HSD17B12: variants seen among roughly 807,000 people sequenced by gnomAD.
The protein encoded by HSD17B12 is hydroxysteroid 17-beta dehydrogenase 12.
In HSD17B12, 32 loss-of-function variants were observed where a neutral mutation model predicts 39.3. The observed-to-expected ratio is 0.81, with a 90% confidence interval of 0.61 to 1.09. HSD17B12 has a LOEUF of 1.09. Among genes scored for constraint, HSD17B12 ranks in the 50% least tolerant of loss-of-function variants. HSD17B12 has a pLI of 0.00. For synonymous variants in HSD17B12, 150 were observed against 146.7 expected (o/e 1.02, Z -0.16); for missense variants, 342 against 382.9 (o/e 0.89, Z 0.89).
the HSD17B12 span, among the ~76,000 whole-genome samples, chr11:43,565,226 C>G: frequency 2.5e-4 from 38 of 152,252 alleles, no homozygotes; most frequent in Middle Eastern, 6.8e-3. Context: ...GTCAGTGGTC[C>G]TCAGGCCCTT....
rs374069435 is a variant in HSD17B12, at chr11:43,724,331, C to T, written c.161-26580C>T. ...TATTTTGCATAAAAAAAATAGCTGC[C>T]TAAGGGCCTAGGGGTTACCATATGT... On this transcript the variant is annotated intron_variant, in intron 1 of 10. Transcript: ENST00000278353. Among the ~76,000 whole-genome samples the T allele has an allele frequency of 1.3e-4, 19 of 151,466 alleles. 2 individuals are homozygous for T. Among genetic ancestry groups the T allele is most frequent in the African/African-American group, 4.1e-4 (17 of 41,244 alleles).
At chr11:43,829,201 C>T (rs1951282631) in intron 6 of HSD17B12, among the ~76,000 whole-genome samples, 1 of 152,210 alleles carries the variant, frequency 6.6e-6, no homozygotes, top group Non-Finnish European at 1.5e-5. Context: ...TGTGTCTTTG[C>T]TGATGAATCC....
chr11:43,599,160 G>A, the HSD17B12 span, among the ~76,000 whole-genome samples: 3 of 152,130 alleles, frequency 2.0e-5, no homozygotes, highest in African/African-American at 4.8e-5. Flanking sequence ...TTTCTGGAAC[G>A]ATGTTCACCT....
the HSD17B12 span, among the ~76,000 whole-genome samples, chr11:43,580,381 CG>C: frequency 0.022 from 179 of 8,280 alleles, 6 homozygotes; most frequent in East Asian, 0.15. Context: ...GAGTTGGGGG[CG>C]GGGGGGTGGG....
chr11:43,627,481 A>G, the HSD17B12 span, among the ~76,000 whole-genome samples: 1 of 151,948 alleles, frequency 6.6e-6, no homozygotes, highest in Non-Finnish European at 1.5e-5. Flanking sequence ...GTAATTTTAA[A>G]TTAAATTTTA....
At chr11:43,634,010 G>T in the HSD17B12 span, among the ~76,000 whole-genome samples, 2 of 143,994 alleles carry the variant, frequency 1.4e-5, no homozygotes, top group Admixed American at 1.4e-4. Context: ...GGAGGCGGAG[G>T]TTGCCGTGAG....
At chr11:43,686,370 G>C (rs992958376) in intron 1 of HSD17B12, among the ~76,000 whole-genome samples, 6 of 152,302 alleles carry the variant, frequency 3.9e-5, no homozygotes, top group Non-Finnish European at 7.4e-5. Flanking sequence ...AATGGAAAAA[G>C]TTCTGCAGAT....
chr11:43,561,115 A>G, the HSD17B12 span, among the ~76,000 whole-genome samples: 1 of 152,144 alleles, frequency 6.6e-6, no homozygotes, highest in Non-Finnish European at 1.5e-5. Context: ...ATGGGTTCCA[A>G]TCCCCACCCA....
intron 1 of HSD17B12, among the ~76,000 whole-genome samples, chr11:43,707,687 A>G (rs527246161): frequency 6.6e-6 from 1 of 152,316 alleles, no homozygotes; most frequent in East Asian, 1.9e-4. Flanking sequence ...AATCACTTCT[A>G]AAATAACATG....
the HSD17B12 span, among the ~76,000 whole-genome samples, chr11:43,619,258 A>AAAATATATATATT: frequency 1.2e-5 from 1 of 82,542 alleles, no homozygotes; most frequent in Non-Finnish European, 2.6e-5. Flanking sequence ...ATATATATAT[A>AAAATATATATATT]TTTTATATAT....
chr11:43,601,580 G>A, the HSD17B12 span, among the ~76,000 whole-genome samples: 16 of 151,426 alleles, frequency 1.1e-4, no homozygotes, highest in African/African-American at 3.9e-4. Context: ...CAGTCTGTTA[G>A]ACAGCTTAGG....
chr11:43,635,997 G>A, the HSD17B12 span, among the ~76,000 whole-genome samples: 4 of 152,272 alleles, frequency 2.6e-5, no homozygotes, highest in East Asian at 7.7e-4. Context: ...ACAGAGCCAA[G>A]CTTCAATGGT....
At chr11:43,680,638 A>T, upstream of HSD17B12, 1 of 607,488 alleles carries the variant, frequency 1.6e-6, no homozygotes, top group Non-Finnish European at 3.0e-6. Flanking sequence ...TGGCTGACGC[A>T]CTACGCGCAG....
chr11:43,640,878 T>A, the HSD17B12 span: 1 of 151,874 alleles, frequency 6.6e-6, no homozygotes, highest in Non-Finnish European at 1.5e-5. Context: ...TACAAATATC[T>A]ATATGTCCAT....
chr11:43,734,013 A>T (rs1255072936), intron 1 of HSD17B12: 4 of 735,358 alleles, frequency 5.4e-6, no homozygotes, highest in Non-Finnish European at 9.9e-6. Flanking sequence ...AGATTTATAG[A>T]TTGTCAATAT....
chr11:43,690,390 A>ATTTTTT (rs1196143107), intron 1 of HSD17B12, among the ~76,000 whole-genome samples: 4 of 14,588 alleles, frequency 2.7e-4, no homozygotes, highest in Non-Finnish European at 2.2e-4. Flanking sequence ...ATATATATAT[A>ATTTTTT]TATATATATA....
chr11:43,836,148 G>A (rs1951368748), intron 7 of HSD17B12, among the ~76,000 whole-genome samples: 1 of 152,152 alleles, frequency 6.6e-6, no homozygotes, highest in Non-Finnish European at 1.5e-5. Flanking sequence ...GCTAACTTGA[G>A]TATAATGGAG....
chr11:43,582,568 A>C, the HSD17B12 span, among the ~76,000 whole-genome samples: 1 of 152,206 alleles, frequency 6.6e-6, no homozygotes. Context: ...ATGGGTCTAG[A>C]GACACCGGAG....
At chr11:43,665,321 C>T in the HSD17B12 span, among the ~76,000 whole-genome samples, 52 of 152,246 alleles carry the variant, frequency 3.4e-4, no homozygotes, top group African/African-American at 1.2e-3. Flanking sequence ...CGGGTTGAAA[C>T]GATTCTTGTG....
Sources: gnomAD v4.1 joint callset for allele counts (sites outside exome capture counted in the v4.1 genomes callset) on GRCh38, gnomAD v4.1.1 for gene constraint, MANE v1.5 for transcripts, NCBI Gene and HGNC (gene_info 2026-07-23, HGNC 2026-07-21) for gene names.